The following NUPR2 variants were observed in gnomAD, a reference collection of about 807,000 sequenced individuals.
The protein encoded by NUPR2 is nuclear protein 2.
A neutral mutation model predicts 7.3 loss-of-function variants in NUPR2; 14 were observed. The observed-to-expected ratio is 1.93, with a 90% CI of 1.27 to 3.01. The LOEUF (loss-of-function observed/expected upper bound fraction) is 3.01, where lower values mean the gene tolerates loss of function less well. Ranked by LOEUF, NUPR2 falls within the 30% of genes most tolerant of loss-of-function variation. NUPR2 has a pLI of 0.00. For missense variants in NUPR2, 162 were observed against 143.7 expected, an observed-to-expected ratio of 1.13 and a Z score of -0.65; for synonymous variants, 56 against 59.7, an observed-to-expected ratio of 0.94 and a Z score of 0.29.
intron 1 of NUPR2, among the ~76,000 whole-genome samples, chr7:56,115,287 G>A (rs1311024144): frequency 6.8e-6 from 1 of 146,928 alleles, no homozygotes; most frequent in Admixed American, 6.9e-5. Flanking sequence ...GCTCCTACCT[G>A]CATCTATTTT....
In NUPR2 at chr7:56,115,428, T is replaced by TACA. The variant is rs58684972; in HGVS notation, c.*7-532_*7-531insTGT. Among the ~76,000 whole-genome samples, 30 of 45,902 alleles carry TACA rather than the reference T, an allele frequency of 6.5e-4. 1 individual carries two copies. The highest frequency in any genetic ancestry group is 1.3e-3 in the East Asian group (1 of 754). The allele number at this position is 45,902 out of a possible 152,430, so 30.1% of individuals were successfully genotyped here. A position where few individuals can be genotyped will look rare whatever the true frequency, so the allele number is the denominator to read the frequency against. On this transcript the variant is annotated intron_variant, in intron 1 of 1. Coordinates refer to ENST00000329309, the MANE Select transcript of NUPR2 (RefSeq NM_001145712.2). ...ATATATATATATATATATATATATA[T>TACA]TTGTGTGTGTGTGTGTGTGTGTGTG...
Position 56,116,339 on chromosome 7 carries a change from C to T in NUPR2, c.-25G>A, listed in dbSNP as rs1364116937. 4 of 1,310,730 alleles carry T rather than the reference C, an allele frequency of 3.1e-6. No individual in the cohort carries two copies. The highest frequency in any genetic ancestry group is 3.3e-5 in the African/African-American group (2 of 60,910). 81.2% of individuals were successfully genotyped at this position (1,310,730 alleles called of 1,614,324 possible). On this transcript the variant is annotated 5_prime_UTR_variant, in exon 1 of 2. Transcript: ENST00000329309. ...TCCTGCCCAGGCCTGTGGCCACCGG[C>T]GGCCACCTGCCCGCGTCTGGGCGCT...
chr7:56,116,001 T>C lies in NUPR2; in HGVS notation c.*6+14A>G. 1.4e-6 allele frequency: 2 copies of C among 1,443,374 alleles called. No homozygotes were observed. The highest frequency in any genetic ancestry group is 1.4e-5 in the South Asian group (1 of 70,970). The allele number at this position is 1,443,374 out of a possible 1,614,324, so 89.4% of individuals were successfully genotyped here. On this transcript the variant is annotated intron_variant, in intron 1 of 1. Coordinates refer to ENST00000329309, the MANE Select transcript of NUPR2 (RefSeq NM_001145712.2). The stretch of plus-strand genomic sequence containing the variant: ...CCCGGGGCACTGGTTGGGGGAGGTG[T>C]TGGGCGCACGTACCCAGGCTCAGGT...
chr7:56,115,057 A>G (rs1398539965), intron 1 of NUPR2, among the ~76,000 whole-genome samples, 160 bp from the exon 2 acceptor site: 1 of 151,846 alleles, frequency 6.6e-6, no homozygotes, highest in Non-Finnish European at 1.5e-5. Flanking sequence ...CGCCTTAGCC[A>G]CGCAAGTAGC....
Position 56,116,156 on chromosome 7 carries a change from C to T in NUPR2, c.159G>A (p.Arg53=), listed in dbSNP as rs1349374563. ...AGTTGGTGCGCAGCGCCTGCTCGCG[C>T]CGAGTCCGGCCCTTGCTGCGCCCTG... The part of the protein sequence containing the change: ...CGAGRSKGRT[R]REQALRTNWP... The change falls in exon 1 of 2, where the codon CGG becomes CGA. Residue 53 remains arginine (R), a synonymous_variant. Coordinates refer to ENST00000329309, the MANE Select transcript of NUPR2 (RefSeq NM_001145712.2). The T allele has an allele frequency of 6.5e-7, 1 of 1,547,194 alleles. No individual in the cohort carries two copies. The highest frequency in any genetic ancestry group is 8.7e-7 in the Non-Finnish European group (1 of 1,145,428).
chr7:56,116,133 T>C lies in NUPR2; in HGVS notation c.182A>G (p.Asn61Ser). The change falls in exon 1 of 2, where the codon AAC (asparagine) becomes AGC (serine). Residue 61 changes from asparagine to serine, a missense_variant. By Grantham distance (46) the Asn-to-Ser change is conservative. Transcript: ENST00000329309. ...RTRREQALRT[N>S]WPAPGGHERK... is the part of the protein sequence containing the mutation. ...CTCGTGCCCGCCAGGTGCAGGCCAGTTGGTGCGCAGCGCCTGCTCGCGCCG... is the reference window on the plus strand; with the variant it reads ...CTCGTGCCCGCCAGGTGCAGGCCAGCTGGTGCGCAGCGCCTGCTCGCGCCG... 1.3e-6 allele frequency: 2 copies of C among 1,545,614 alleles called. No individual in the cohort carries two copies. Among genetic ancestry groups the C allele is most frequent in the South Asian group, 1.2e-5 (1 of 83,474 alleles).
Position 56,116,325 on chromosome 7 carries a change from C to A in NUPR2, c.-11G>T. ...TGCGGGCGCTTCCATCCTGCCCAGGCCTGTGGCCACCGGCGGCCACCTGCC... is the reference window on the plus strand; with the variant it reads ...TGCGGGCGCTTCCATCCTGCCCAGGACTGTGGCCACCGGCGGCCACCTGCC... On this transcript the variant is annotated 5_prime_UTR_variant, in exon 1 of 2. Transcript: ENST00000329309. 1 of 1,354,654 alleles carries A rather than the reference C, an allele frequency of 7.4e-7. No homozygotes were observed. The highest frequency in any genetic ancestry group is 1.8e-5 in the South Asian group (1 of 56,422). The allele number at this position is 1,354,654 out of a possible 1,614,324, so 83.9% of individuals were successfully genotyped here.
chr7:56,115,447 G>GTATATATATATATATATT lies in NUPR2; in HGVS notation c.*7-551_*7-550insAATATATATATATATATA, dbSNP rs1167993713. On this transcript the variant is annotated intron_variant, in intron 1 of 1. Transcript: ENST00000329309. The stretch of plus-strand genomic sequence containing the variant: ...TATATATTTGTGTGTGTGTGTGTGT[G>GTATATATATATATATATT]TGTGTGTGTGTGTGTGTGTGTGTGT... 6.4e-4 allele frequency among the ~76,000 whole-genome samples: 23 copies of GTATATATATATATATATT among 36,014 alleles called. 1 individual carries two copies. Among genetic ancestry groups the GTATATATATATATATATT allele is most frequent in the South Asian group, 8.7e-4 (1 of 1,156 alleles). The allele number at this position is 36,014 out of a possible 152,430, so 23.6% of individuals were successfully genotyped here.
Position 56,116,322 on chromosome 7 carries a change from A to AGGCCTGTG in NUPR2, c.-16_-9dup. The AGGCCTGTG allele has an allele frequency of 7.9e-7, 1 of 1,269,126 alleles. No individual in the cohort carries two copies. The highest frequency in any genetic ancestry group is 1.0e-6 in the Non-Finnish European group (1 of 984,454). 78.6% of individuals were successfully genotyped at this position (1,269,126 alleles called of 1,614,324 possible). On this transcript the variant is annotated 5_prime_UTR_variant, in exon 1 of 2. Transcript: ENST00000329309. ...CTCTGCGGGCGCTTCCATCCTGCCC[A>AGGCCTGTG]GGCCTGTGGCCACCGGCGGCCACCT...
At position 56,115,445 on chromosome 7, in the gene NUPR2, G is replaced by T. The variant is rs1445280953; in HGVS notation, c.*7-548C>A. 1.6e-4 allele frequency among the ~76,000 whole-genome samples: 6 copies of T among 36,528 alleles called. 2 individuals are homozygous for T. The highest frequency in any genetic ancestry group is 5.5e-4 in the African/African-American group (4 of 7,298). The allele number at this position is 36,528 out of a possible 152,430, so 24.0% of individuals were successfully genotyped here. A position where few individuals can be genotyped will look rare whatever the true frequency, so the allele number is the denominator to read the frequency against. The stretch of plus-strand genomic sequence containing the variant: ...TATATATATTTGTGTGTGTGTGTGT[G>T]TGTGTGTGTGTGTGTGTGTGTGTGT... On this transcript the variant is annotated intron_variant, in intron 1 of 1. Transcript: ENST00000329309.
intron 1 of NUPR2, among the ~76,000 whole-genome samples, chr7:56,115,431 G>GTATATATCTACA (rs56746301): frequency 3.7e-5 from 1 of 26,750 alleles, no homozygotes; most frequent in African/African-American, 1.8e-4. Flanking sequence ...ATATATATTT[G>GTATATATCTACA]TGTGTGTGTG....
chr7:56,115,426 TATTTGTGTGTGTGTGTGTGTG>T (rs1785528330), intron 1 of NUPR2, among the ~76,000 whole-genome samples: 1 of 48,734 alleles, frequency 2.1e-5, no homozygotes, highest in Non-Finnish European at 3.6e-5. Flanking sequence ...TATATATATA[TATTTGTGTGTGTGTGTGTGTG>T]TGTGTGTGTG....
intron 1 of NUPR2, among the ~76,000 whole-genome samples, chr7:56,115,465 G>A (rs1411787162): frequency 4.8e-4 from 12 of 25,064 alleles, no homozygotes; most frequent in South Asian, 2.4e-3. Flanking sequence ...GTGTGTGTGT[G>A]TGTGTGTGTG....
In NUPR2 at chr7:56,116,305, G is replaced by GC; in HGVS notation, c.9dup (p.Pro4AlafsTer109). The GC allele has an allele frequency of 6.9e-7, 1 of 1,441,246 alleles. No individual in the cohort carries two copies. 89.3% of individuals were successfully genotyped at this position (1,441,246 alleles called of 1,614,324 possible). On this transcript the variant is annotated frameshift_variant, in exon 1 of 2. Transcript: ENST00000329309. LOFTEE classifies it high-confidence loss of function. The stretch of plus-strand genomic sequence containing the variant: ...AGACGTGGAAGCGCCCGCTCTGCGG[G>GC]CGCTTCCATCCTGCCCAGGCCTGTG...
At chr7:56,115,439 G>A (rs1235538597) in intron 1 of NUPR2, among the ~76,000 whole-genome samples, 21,068 of 34,432 alleles carry the variant, frequency 0.61, 7,646 homozygotes, top group Middle Eastern at 0.71. Context: ...TTGTGTGTGT[G>A]TGTGTGTGTG....
In NUPR2 at chr7:56,116,186, G is replaced by T. The variant is rs1257015206; in HGVS notation, c.129C>A (p.Cys43Ter). ...DYYYLRDFPA[C>*]GAGRSKGRTR... The stretch of plus-strand genomic sequence containing the variant: ...TCCGGCCCTTGCTGCGCCCTGCCCC[G>T]CAGGCCGGGAAGTCGCGCAGGTAGT... The change falls in exon 1 of 2, where the codon TGC becomes TGA. Residue 43 changes from cysteine to a stop codon, truncating the protein, a stop_gained. Transcript: ENST00000329309. LOFTEE classifies it high-confidence loss of function. 2 of 1,548,546 alleles carry T rather than the reference G, an allele frequency of 1.3e-6. No homozygotes were observed. Among genetic ancestry groups the T allele is most frequent in the African/African-American group, 2.8e-5 (2 of 72,410 alleles).
rs1785555536 is a variant in NUPR2, at chr7:56,116,386, G to A, written c.-72C>T. 2.2e-6 allele frequency: 2 copies of A among 902,262 alleles called. No homozygotes were observed. The highest frequency in any genetic ancestry group is 2.5e-5 in the South Asian group (1 of 39,566). The allele number at this position is 902,262 out of a possible 1,614,324, so 55.9% of individuals were successfully genotyped here. On this transcript the variant is annotated 5_prime_UTR_variant, in exon 1 of 2. Coordinates refer to ENST00000329309, the MANE Select transcript of NUPR2 (RefSeq NM_001145712.2). ...CGCTCCTGGAAGACCCAGCAGCCCC[G>A]CCTCGAGTTCCGATGGGCTCCGCGT... is the stretch of plus-strand genomic sequence containing the variant.
chr7:56,115,970 A>C, intron 1 of NUPR2, 45 bp downstream of exon 1: 2 of 1,392,062 alleles, frequency 1.4e-6, no homozygotes, highest in Non-Finnish European at 1.9e-6. Flanking sequence ...GGACGCTCCT[A>C]GGGTCCCCGG....
In NUPR2 at chr7:56,116,123, T is replaced by A; in HGVS notation, c.192A>T (p.Ala64=). Residue 64 remains alanine (A), a synonymous_variant, in exon 1 of 2, where the codon GCA becomes GCT. Transcript: ENST00000329309. Reference sequence around the variant, plus strand: ...CGACCTTGCGCTCGTGCCCGCCAGGTGCAGGCCAGTTGGTGCGCAGCGCCT... The same window carrying A: ...CGACCTTGCGCTCGTGCCCGCCAGGAGCAGGCCAGTTGGTGCGCAGCGCCT... The part of the protein sequence containing the change: ...REQALRTNWP[A]PGGHERKVAQ... 6.5e-7 allele frequency: 1 copy of A among 1,544,690 alleles called. No homozygotes were observed. Among genetic ancestry groups the A allele is most frequent in the Non-Finnish European group, 8.7e-7 (1 of 1,144,564 alleles).
Sources: gnomAD v4.1 joint callset for allele counts (sites outside exome capture counted in the v4.1 genomes callset) on GRCh38, gnomAD v4.1.1 for gene constraint, MANE v1.5 for transcripts, NCBI Gene and HGNC (gene_info 2026-07-23, HGNC 2026-07-21) for gene names.